The following NEK10 variants were observed in gnomAD, a reference collection of about 807,000 sequenced individuals.
NEK10 encodes the protein serine/threonine-protein kinase Nek10.
NEK10 carries 122 observed loss-of-function variants against 159.8 expected under a neutral mutation model. The ratio of observed to expected loss-of-function variants is 0.76; its 90% CI spans 0.66 to 0.89. NEK10 has a LOEUF of 0.89. Among genes scored for constraint, NEK10 ranks in the 40% least tolerant of loss-of-function variants. NEK10 has a pLI of 0.00. For synonymous variants in NEK10, 466 were observed against 457.1 expected (o/e 1.02, Z -0.25); for missense variants, 1,342 against 1,323.1 (o/e 1.01, Z -0.22).
intron 13 of NEK10, among the ~76,000 whole-genome samples, chr3:27,298,583 A>T (rs2043551544): frequency 6.6e-6 from 1 of 152,216 alleles, no homozygotes; most frequent in African/African-American, 2.4e-5. Flanking sequence ...TGACTTTGGA[A>T]CTGGGTAACA....
At chr3:27,348,187 G>A (rs185833126) in intron 3 of NEK10, among the ~76,000 whole-genome samples, 3 of 152,142 alleles carry the variant, frequency 2.0e-5, no homozygotes, top group Admixed American at 6.5e-5. Flanking sequence ...ATGATATACC[G>A]CATAAAAGAA....
intron 30 of NEK10, among the ~76,000 whole-genome samples, chr3:27,145,947 T>C (rs1167572920): frequency 6.6e-6 from 1 of 152,090 alleles, no homozygotes; most frequent in Non-Finnish European, 1.5e-5. Flanking sequence ...CCTTCTACCA[T>C]GCAAGGACAC....
Position 27,111,194 on chromosome 3 carries a change from G to C in NEK10, c.*78C>G, listed in dbSNP as rs996887042. The C allele has an allele frequency of 2.2e-6, 3 of 1,363,094 alleles. No homozygotes were observed. The highest frequency in any genetic ancestry group is 3.1e-6 in the Non-Finnish European group (3 of 959,328). 84.4% of individuals were successfully genotyped at this position (1,363,094 alleles called of 1,614,324 possible). A position where few individuals can be genotyped will look rare whatever the true frequency, so the allele number is the denominator to read the frequency against. Reference sequence around the variant, plus strand: ...CACCCTCTAGCAGCACCCAATCCTTGGGCATCTTGCAATAGCGGCTGAAGT... The same window carrying C: ...CACCCTCTAGCAGCACCCAATCCTTCGGCATCTTGCAATAGCGGCTGAAGT... On this transcript the variant is annotated 3_prime_UTR_variant, in exon 36 of 36. Coordinates refer to ENST00000691995, the MANE Select transcript of NEK10 (RefSeq NM_001394966.1).
At chr3:27,166,197 T>G (rs185384136) in intron 29 of NEK10, among the ~76,000 whole-genome samples, 1 of 152,208 alleles carries the variant, frequency 6.6e-6, no homozygotes. Flanking sequence ...AGCAACATTA[T>G]GTAGCTTTGA....
At chr3:27,159,123 G>A (rs898838622) in intron 30 of NEK10, among the ~76,000 whole-genome samples, 1 of 152,060 alleles carries the variant, frequency 6.6e-6, no homozygotes, top group Non-Finnish European at 1.5e-5. Flanking sequence ...AGTAGGAAAC[G>A]TATTCCTTTT....
rs1015925425 is a variant in NEK10, at chr3:27,314,214, T to C, written c.489+83A>G. 19 of 974,626 alleles carry C rather than the reference T, an allele frequency of 1.9e-5. No individual in the cohort carries two copies. In the Admixed American group the frequency reaches 3.8e-4, roughly 19 times the overall value. 60.4% of individuals were successfully genotyped at this position (974,626 alleles called of 1,614,324 possible). A position where few individuals can be genotyped will look rare whatever the true frequency, so the allele number is the denominator to read the frequency against. On this transcript the variant is annotated intron_variant, in intron 7 of 35. Coordinates refer to ENST00000691995, the MANE Select transcript of NEK10 (RefSeq NM_001394966.1). Reference sequence around the variant, plus strand: ...GACAGCATAACATAGGAAAGCCACCTTCTGTCACATACCCTTTTAATTCTT... The same window carrying C: ...GACAGCATAACATAGGAAAGCCACCCTCTGTCACATACCCTTTTAATTCTT...
intron 29 of NEK10, among the ~76,000 whole-genome samples, chr3:27,164,138 T>G (rs1346991402): frequency 1.3e-5 from 2 of 152,138 alleles, no homozygotes; most frequent in East Asian, 3.9e-4. Flanking sequence ...CTGCCAGCCT[T>G]TAACAGTTTA....
At chr3:27,263,510 G>T (rs372287806) in intron 22 of NEK10, among the ~76,000 whole-genome samples, 7 of 152,162 alleles carry the variant, frequency 4.6e-5, no homozygotes, top group Admixed American at 1.3e-4. Context: ...TCAAGCCTCG[G>T]CAATGGCAGG....
Position 27,251,178 on chromosome 3 carries a change from A to T in NEK10, c.2090+5118T>A, listed in dbSNP as rs1955624213. ...AGGCACAGAAAAATTCAATCATTTAAAACTCTCAATAGCCGATCTAGAATT... is the reference window on the plus strand; with the variant it reads ...AGGCACAGAAAAATTCAATCATTTATAACTCTCAATAGCCGATCTAGAATT... On this transcript the variant is annotated intron_variant, in intron 23 of 35. Coordinates refer to ENST00000691995, the MANE Select transcript of NEK10 (RefSeq NM_001394966.1). Among the ~76,000 whole-genome samples the T allele has an allele frequency of 3.3e-5, 5 of 152,290 alleles. 1 individual carries two copies. The South Asian group carries it at 1.0e-3, about 32-fold the overall frequency.
Position 27,246,241 on chromosome 3 carries a change from T to TC in NEK10, c.2090+10054dup, listed in dbSNP as rs1173354218. 7.2e-5 allele frequency among the ~76,000 whole-genome samples: 11 copies of TC among 152,150 alleles called. No homozygotes were observed. In the East Asian group the frequency reaches 1.9e-3, roughly 27 times the overall value. ...CCCTTTTTTATTATGACTTTTAGGT[T>TC]CAGGGGTACATCTGCAGGTTTGTTA... On this transcript the variant is annotated intron_variant, in intron 23 of 35. Coordinates refer to ENST00000691995, the MANE Select transcript of NEK10 (RefSeq NM_001394966.1).
chr3:27,277,084 AT>A (rs201145567), intron 22 of NEK10, among the ~76,000 whole-genome samples: 18 of 151,642 alleles, frequency 1.2e-4, no homozygotes, highest in African/African-American at 3.4e-4. Flanking sequence ...GGAGAAGACA[AT>A]TTTTTTTTCT....
intron 16 of NEK10, among the ~76,000 whole-genome samples, chr3:27,292,496 AG>A (rs2043065662): frequency 2.0e-5 from 3 of 152,180 alleles, no homozygotes; most frequent in African/African-American, 7.2e-5. Flanking sequence ...AAAATCTTTG[AG>A]TTCACTAAAA....
chr3:27,199,454 A>G (rs1393397705), intron 25 of NEK10, among the ~76,000 whole-genome samples: 1 of 152,210 alleles, frequency 6.6e-6, no homozygotes, highest in African/African-American at 2.4e-5. Context: ...AAGTCAAAAA[A>G]TAACAGATGC....
chr3:27,287,488 C>A (rs1328398927), intron 20 of NEK10, among the ~76,000 whole-genome samples: 1 of 152,160 alleles, frequency 6.6e-6, no homozygotes, highest in Non-Finnish European at 1.5e-5. Flanking sequence ...TTCACACAGG[C>A]AGCTAAGTAT....
At chr3:27,367,026 T>A (rs1011201426) in intron 1 of NEK10, among the ~76,000 whole-genome samples, 20 of 152,010 alleles carry the variant, frequency 1.3e-4, no homozygotes, top group African/African-American at 4.8e-4. Flanking sequence ...GCCAGGCTGA[T>A]CTTGAACTCC....
chr3:27,198,868 G>C (rs369998110), intron 25 of NEK10, among the ~76,000 whole-genome samples: 7 of 144,418 alleles, frequency 4.8e-5, no homozygotes, highest in African/African-American at 1.8e-4. Flanking sequence ...TCAGGAGATA[G>C]AGACCATCCT....
chr3:27,364,950 G>A (rs927508606), intron 1 of NEK10, among the ~76,000 whole-genome samples: 2 of 152,158 alleles, frequency 1.3e-5, no homozygotes, highest in Non-Finnish European at 2.9e-5. Flanking sequence ...TACACATGAA[G>A]GAAATGAGGC....
chr3:27,117,674 T>C (rs934537059), intron 33 of NEK10, among the ~76,000 whole-genome samples: 1 of 152,194 alleles, frequency 6.6e-6, no homozygotes, highest in Non-Finnish European at 1.5e-5. Flanking sequence ...TTAATGGGGT[T>C]GCTTTTTTCT....
chr3:27,223,153 G>C (rs565236632), intron 23 of NEK10, among the ~76,000 whole-genome samples: 152 of 152,270 alleles, frequency 1.0e-3, no homozygotes, highest in Non-Finnish European at 2.0e-3. Flanking sequence ...CCATAACAAA[G>C]GTGCTGTGTT....
Sources: gnomAD v4.1 joint callset for allele counts (sites outside exome capture counted in the v4.1 genomes callset) on GRCh38, gnomAD v4.1.1 for gene constraint, MANE v1.5 for transcripts, NCBI Gene and HGNC (gene_info 2026-07-23, HGNC 2026-07-21) for gene names.